Variants in NTRK3 observed in about 807,000 individuals in gnomAD.
The protein encoded by NTRK3 is NT-3 growth factor receptor.
NTRK3 carries 24 observed loss-of-function variants against 91.7 expected under a neutral mutation model. The observed-to-expected ratio is 0.26, with a 90% CI of 0.19 to 0.37. The LOEUF (loss-of-function observed/expected upper bound fraction) is 0.37, where lower values mean the gene tolerates loss of function less well. Ranked by LOEUF, NTRK3 falls within the 10% of genes least tolerant of loss-of-function variation. The probability of loss-of-function intolerance (pLI) is 1.00; values close to 1 mark genes in which losing one functional copy is unlikely to be tolerated. For synonymous variants in NTRK3, 483 were observed against 404.0 expected (o/e 1.20, Z -2.34); for missense variants, 880 against 1,068.9 (o/e 0.82, Z 2.46).
intron 17 of NTRK3, among the ~76,000 whole-genome samples, chr15:87,924,145 T>C (rs2068099746): frequency 6.6e-6 from 1 of 152,096 alleles, no homozygotes. Context: ...GGATGTTGGC[T>C]CCATTTTACA....
chr15:88,174,853 C>A (rs1255772589), intron 5 of NTRK3, among the ~76,000 whole-genome samples: 1 of 152,232 alleles, frequency 6.6e-6, no homozygotes, highest in Non-Finnish European at 1.5e-5. Context: ...TGCTGGAAGT[C>A]CCTGGAGAAT....
chr15:88,202,519 C>A (rs1301708888), intron 3 of NTRK3, among the ~76,000 whole-genome samples: 1 of 152,234 alleles, frequency 6.6e-6, no homozygotes. Context: ...CTGTGTGCTC[C>A]AGACAGTCAT....
At chr15:88,204,109 C>A (rs1372307814) in intron 3 of NTRK3, among the ~76,000 whole-genome samples, 1 of 152,186 alleles carries the variant, frequency 6.6e-6, no homozygotes, top group Non-Finnish European at 1.5e-5. Flanking sequence ...TCAACTCCCA[C>A]TTATGAGTGA....
rs990816343 is a variant in NTRK3 at position 88,234,615 on chromosome 15, G to T, written c.248+21291C>A. On this transcript the variant is annotated intron_variant, in intron 3 of 18. Transcript: ENST00000394480. The surrounding 1 kb of genome is among the most constrained non-coding windows in gnomAD (Gnocchi z 6.1). Reference sequence around the variant, plus strand: ...CCAGCTCAGTTGCCCCTTCCTCTGGGGAGCTTCTCTGCATGCCCAGCCTGG... The same window carrying T: ...CCAGCTCAGTTGCCCCTTCCTCTGGTGAGCTTCTCTGCATGCCCAGCCTGG... 6.6e-6 allele frequency among the ~76,000 whole-genome samples: 1 copy of T among 152,046 alleles called. No homozygotes were observed. Among genetic ancestry groups the T allele is most frequent in the African/African-American group, 2.4e-5 (1 of 41,382 alleles).
At chr15:88,055,860 G>C (rs913487652) in intron 13 of NTRK3, among the ~76,000 whole-genome samples, 1 of 152,160 alleles carries the variant, frequency 6.6e-6, no homozygotes, top group African/African-American at 2.4e-5. Context: ...CTAGCAGCTG[G>C]AACAGACTTA....
At chr15:88,196,965 A>G (rs747425268) in intron 3 of NTRK3, among the ~76,000 whole-genome samples, 22 of 152,060 alleles carry the variant, frequency 1.4e-4, no homozygotes, top group Non-Finnish European at 2.1e-4. Flanking sequence ...ACTACCTTCA[A>G]TGAGTACTCC....
At chr15:88,239,984 C>T (rs2052172773) in intron 3 of NTRK3, among the ~76,000 whole-genome samples, 1 of 152,018 alleles carries the variant, frequency 6.6e-6, no homozygotes, top group Non-Finnish European at 1.5e-5. Flanking sequence ...TGCGCATGCA[C>T]GCCAAAGCTT....
Position 88,187,102 on chromosome 15 carries a change from C to T in NTRK3, c.249-2803G>A, listed in dbSNP as rs1445504756. 7.9e-5 allele frequency among the ~76,000 whole-genome samples: 12 copies of T among 152,152 alleles called. 1 individual carries two copies. Among genetic ancestry groups the T allele is most frequent in the African/African-American group, 1.7e-4 (7 of 41,426 alleles). On this transcript the variant is annotated intron_variant, in intron 3 of 18. Transcript: ENST00000394480. ...CTGATTATTTTCCTCCTGTGCCTTACGGAAACTGAGCAGTCTTGTTCTCAG... is the reference window on the plus strand; with the variant it reads ...CTGATTATTTTCCTCCTGTGCCTTATGGAAACTGAGCAGTCTTGTTCTCAG...
chr15:88,056,946 G>A (rs565102887), intron 13 of NTRK3, among the ~76,000 whole-genome samples: 163 of 152,124 alleles, frequency 1.1e-3, no homozygotes, highest in African/African-American at 3.8e-3. Context: ...CGAGACGGGC[G>A]GATCACGAGG....
At position 88,203,842 on chromosome 15, in the gene NTRK3, A is replaced by T. The variant is rs76670179; in HGVS notation, c.249-19543T>A. On this transcript the variant is annotated intron_variant, in intron 3 of 18. Coordinates refer to ENST00000394480, the Ensembl canonical transcript of NTRK3. ...TGTCTATTATGTATCAATAAAAATA[A>T]TTTTTTTAAAAAAAAGCAAAGATAA... 6.4e-3 allele frequency among the ~76,000 whole-genome samples: 973 copies of T among 152,284 alleles called. 22 individuals carry two copies. Among genetic ancestry groups the T allele is most frequent in the East Asian group, 0.04 (207 of 5,190 alleles).
chr15:88,155,715 A>G (rs1182051157), intron 5 of NTRK3, among the ~76,000 whole-genome samples: 1 of 152,256 alleles, frequency 6.6e-6, no homozygotes, highest in East Asian at 1.9e-4. Context: ...TGTTAGTCAC[A>G]TGTTAAAGAG....
At chr15:87,995,136 G>C (rs1394771041) in intron 14 of NTRK3, among the ~76,000 whole-genome samples, 1 of 152,180 alleles carries the variant, frequency 6.6e-6, no homozygotes, top group African/African-American at 2.4e-5. Context: ...GAAATTCATA[G>C]GAATTACACA....
At chr15:87,900,690 GGTGTGT>G (rs61498493) in intron 17 of NTRK3, among the ~76,000 whole-genome samples, 32 of 138,332 alleles carry the variant, frequency 2.3e-4, no homozygotes, top group Middle Eastern at 3.6e-3. Flanking sequence ...CTTTACAGAG[GGTGTGT>G]GTGTGTGTGT....
intron 6 of NTRK3, among the ~76,000 whole-genome samples, chr15:88,146,747 T>G (rs780153526): frequency 2.6e-4 from 39 of 152,114 alleles, no homozygotes; most frequent in Non-Finnish European, 5.1e-4. Flanking sequence ...CCCCTTGACA[T>G]GCCAGTACTC....
chr15:88,135,296 G>A (rs1317862397), exon 10 of NTRK3: 6 of 1,614,054 alleles, frequency 3.7e-6, no homozygotes, highest in Non-Finnish European at 5.1e-6. Context: ...TGCCCATTGT[G>A]CAGCCAGTGC....
At chr15:88,040,406 T>C (rs1288418409) in intron 13 of NTRK3, among the ~76,000 whole-genome samples, 1 of 152,102 alleles carries the variant, frequency 6.6e-6, no homozygotes, top group East Asian at 1.9e-4. Context: ...CCAGGGAAAG[T>C]TCTTCTCAGG....
chr15:87,981,046 CT>C (rs1162277200), intron 14 of NTRK3, among the ~76,000 whole-genome samples: 1 of 152,160 alleles, frequency 6.6e-6, no homozygotes, highest in Non-Finnish European at 1.5e-5. Flanking sequence ...GCTTCCTCCC[CT>C]GGAAGACACT....
chr15:88,036,333 A>T (rs563334055), intron 13 of NTRK3, among the ~76,000 whole-genome samples: 1 of 152,204 alleles, frequency 6.6e-6, no homozygotes, highest in East Asian at 1.9e-4. Flanking sequence ...CAATGGAATC[A>T]TTCTCTATAA....
chr15:87,912,932 ATATATATATATATATATATAT>A (rs1411750003), intron 17 of NTRK3, among the ~76,000 whole-genome samples: 1 of 7,326 alleles, frequency 1.4e-4, no homozygotes, highest in Non-Finnish European at 2.3e-4. Flanking sequence ...GTAAAAAAAA[ATATATATATATATATATATAT>A]ATATATATAT....
Sources: gnomAD v4.1 joint callset for allele counts (sites outside exome capture counted in the v4.1 genomes callset) on GRCh38, gnomAD v4.1.1 for gene constraint, Gnocchi (gnomAD v3.1) non-coding constraint, MANE v1.5 for transcripts, NCBI Gene and HGNC (gene_info 2026-07-23, HGNC 2026-07-21) for gene names.